PLCB4: variants seen among roughly 807,000 people sequenced by gnomAD.
PLCB4 encodes the protein 1-phosphatidylinositol 4,5-bisphosphate phosphodiesterase beta-4.
In PLCB4, 77 loss-of-function variants were observed where a neutral mutation model predicts 178.8. That is an observed-to-expected ratio of 0.43 (90% confidence interval 0.36 to 0.52). The LOEUF is 0.52. Among genes scored for constraint, PLCB4 ranks in the 20% least tolerant of loss-of-function variants. PLCB4 has a pLI of 0.00. For synonymous variants in PLCB4, 496 were observed against 490.8 expected, an observed-to-expected ratio of 1.01 and a Z score of -0.14; for missense variants, 1,024 against 1,453.4, an observed-to-expected ratio of 0.70 and a Z score of 4.80.
In PLCB4 at chr20:9,211,632, G is replaced by A. The variant is rs139721317; in HGVS notation, c.-78-5758G>A. On this transcript the variant is annotated intron_variant, in intron 2 of 39. Transcript: ENST00000378473. ...TATGACTCATCTTTTCCACTTAAAT[G>A]TATTTGCTTAAAAAGAAAATACAAC... Among the ~76,000 whole-genome samples, 475 of 151,834 alleles carry A rather than the reference G, an allele frequency of 3.1e-3. 2 individuals are homozygous for A. The highest frequency in any genetic ancestry group is 9.6e-3 in the South Asian group (46 of 4,816).
chr20:9,284,066 C>T (rs2094516958), intron 3 of PLCB4, among the ~76,000 whole-genome samples: 1 of 151,946 alleles, frequency 6.6e-6, no homozygotes, highest in South Asian at 2.1e-4. Context: ...TATGTAGTCA[C>T]TACTCTGGTA....
At chr20:9,170,003 A>G (rs1318787290) in intron 2 of PLCB4, among the ~76,000 whole-genome samples, 6 of 152,202 alleles carry the variant, frequency 3.9e-5, no homozygotes, top group African/African-American at 1.4e-4. Context: ...CGAAATTTCT[A>G]TTCGATGAAA....
intron 2 of PLCB4, among the ~76,000 whole-genome samples, chr20:9,108,263 T>G (rs1473695353): frequency 2.0e-5 from 3 of 151,970 alleles, no homozygotes; most frequent in Non-Finnish European, 4.4e-5. Context: ...ATGAAGTCAC[T>G]AGAAAAGTGA....
At chr20:9,181,056 A>G (rs1009217412) in intron 2 of PLCB4, among the ~76,000 whole-genome samples, 2 of 152,212 alleles carry the variant, frequency 1.3e-5, no homozygotes, top group African/African-American at 2.4e-5. Flanking sequence ...TTTGGAAACT[A>G]TGACCTTAAC....
intron 4 of PLCB4, among the ~76,000 whole-genome samples, chr20:9,333,946 A>C (rs1020160533): frequency 6.6e-6 from 1 of 152,170 alleles, no homozygotes. Flanking sequence ...TTATGGACAT[A>C]CTTATTTCAA....
intron 3 of PLCB4, among the ~76,000 whole-genome samples, chr20:9,226,634 A>G (rs1298772203): frequency 6.6e-6 from 1 of 152,078 alleles, no homozygotes; most frequent in Non-Finnish European, 1.5e-5. Context: ...CTTCGTCCCC[A>G]TTTTCCTTCC....
intron 12 of PLCB4, among the ~76,000 whole-genome samples, chr20:9,377,845 A>G (rs1426740217): frequency 3.3e-5 from 5 of 152,150 alleles, no homozygotes; most frequent in Admixed American, 3.3e-4. Flanking sequence ...TGATGTGCAA[A>G]TATGTTAAAA....
intron 4 of PLCB4, among the ~76,000 whole-genome samples, chr20:9,335,937 A>G (rs1244255478): frequency 6.6e-6 from 1 of 152,200 alleles, no homozygotes; most frequent in Non-Finnish European, 1.5e-5. Flanking sequence ...CCCTAGGACT[A>G]CTTTATGATG....
intron 2 of PLCB4, among the ~76,000 whole-genome samples, chr20:9,112,970 C>A (rs1168823417): frequency 6.6e-6 from 1 of 151,990 alleles, no homozygotes; most frequent in Non-Finnish European, 1.5e-5. Flanking sequence ...AAGGAACTGA[C>A]TGCTGAAAAA....
intron 38 of PLCB4, among the ~76,000 whole-genome samples, chr20:9,474,150 G>C (rs2044380679): frequency 6.6e-6 from 1 of 151,866 alleles, no homozygotes; most frequent in South Asian, 2.1e-4. Flanking sequence ...CCAAGAGGCG[G>C]AGGTTGCAGT....
intron 3 of PLCB4, among the ~76,000 whole-genome samples, chr20:9,245,998 C>G (rs1054393915): frequency 6.6e-6 from 1 of 152,034 alleles, no homozygotes; most frequent in Non-Finnish European, 1.5e-5. Context: ...AAAACTGATA[C>G]AGGTGTGGAT....
chr20:9,103,406 CA>C (rs781571262), intron 2 of PLCB4, among the ~76,000 whole-genome samples: 7 of 151,966 alleles, frequency 4.6e-5, no homozygotes, highest in Admixed American at 6.6e-5. Context: ...TGTATTTTTC[CA>C]AACAATATAT....
chr20:9,221,909 C>A (rs1164258247), intron 3 of PLCB4, among the ~76,000 whole-genome samples: 2 of 152,040 alleles, frequency 1.3e-5, no homozygotes, highest in Admixed American at 6.6e-5. Context: ...ATTCTCATCT[C>A]TTTTAGCCAT....
At chr20:9,317,604 A>G (rs1438143356) in intron 4 of PLCB4, among the ~76,000 whole-genome samples, 1 of 152,204 alleles carries the variant, frequency 6.6e-6, no homozygotes, top group Non-Finnish European at 1.5e-5. Context: ...CGTCTTATTC[A>G]TGGAAAAATG....
At chr20:9,087,088 A>G (rs1469087722) in intron 1 of PLCB4, among the ~76,000 whole-genome samples, 1 of 152,164 alleles carries the variant, frequency 6.6e-6, no homozygotes, top group Non-Finnish European at 1.5e-5. Flanking sequence ...CTTTGTAGAG[A>G]GCATATAGTT....
At chr20:9,301,459 A>G (rs2094702551) in intron 3 of PLCB4, among the ~76,000 whole-genome samples, 1 of 151,944 alleles carries the variant, frequency 6.6e-6, no homozygotes, top group South Asian at 2.1e-4. Context: ...ACTGACTCTA[A>G]AGTTGATCCA....
intron 13 of PLCB4, 57 bp from the exon 14 acceptor site, chr20:9,384,144 C>T (rs2037380563): frequency 3.9e-6 from 5 of 1,274,220 alleles, no homozygotes; most frequent in Non-Finnish European, 5.7e-6. Flanking sequence ...ATGAATAAAA[C>T]ATGAGATATG....
intron 28 of PLCB4, among the ~76,000 whole-genome samples, chr20:9,426,359 C>T (rs1205628286): frequency 1.3e-5 from 2 of 152,034 alleles, no homozygotes; most frequent in African/African-American, 4.8e-5. Context: ...TGTTTACTTC[C>T]AGTCTCTTTT....
At position 9,421,319 on chromosome 20, in the gene PLCB4, C is replaced by T. The variant is rs1423446451; in HGVS notation, c.2177C>T (p.Ser726Leu). The T allele has an allele frequency of 6.2e-7, 1 of 1,613,710 alleles. No individual in the cohort carries two copies. Among genetic ancestry groups the T allele is most frequent in the South Asian group, 1.1e-5 (1 of 91,058 alleles). Residue 726 changes from serine to leucine, a missense_variant, in exon 27 of 40, where the codon TCA becomes TTA. Ser to Leu is a moderately radical substitution (Grantham distance 145). Around this residue, in one of 7 missense-constraint regions of PLCB4, gnomAD observed 227 missense variants for 374.3 expected, o/e 0.61. Transcript: ENST00000378473. ...SVQVISGQFLSDKKIGTYVEV... is the reference protein window; with the variant it reads ...SVQVISGQFLLDKKIGTYVEV... ...CAGGTTATATCAGGTCAATTCTTATCAGATAAGAAAATTGGCACCTACGTA... is the reference window on the plus strand; with the variant it reads ...CAGGTTATATCAGGTCAATTCTTATTAGATAAGAAAATTGGCACCTACGTA...
Sources: gnomAD v4.1 joint callset for allele counts (sites outside exome capture counted in the v4.1 genomes callset) on GRCh38, gnomAD v4.1.1 for gene constraint, gnomAD v4.1.1 regional missense constraint, MANE v1.5 for transcripts, NCBI Gene and HGNC (gene_info 2026-07-23, HGNC 2026-07-21) for gene names.